The following CSMD1 variants were observed in gnomAD, a reference collection of about 807,000 sequenced individuals.
CSMD1 encodes the protein CUB and Sushi multiple domains 1, also known as CUB and sushi domain-containing protein 1.
In CSMD1, 213 loss-of-function variants were observed where a neutral mutation model predicts 417.5. The ratio of observed to expected loss-of-function variants is 0.51; its 90% CI spans 0.46 to 0.57. CSMD1 has a LOEUF of 0.57. Ranked by LOEUF, CSMD1 falls within the 20% of genes least tolerant of loss-of-function variation. The pLI is 0.00. For synonymous variants in CSMD1, 2,862 were observed against 1,736.8 expected (o/e 1.65, Z -16.11); for missense variants, 6,923 against 4,529.7 (o/e 1.53, Z -15.17).
At chr8:3,060,741 A>C (rs1812540422) in intron 49 of CSMD1, among the ~76,000 whole-genome samples, 1 of 152,174 alleles carries the variant, frequency 6.6e-6, no homozygotes, top group Non-Finnish European at 1.5e-5. Flanking sequence ...TTTCAATATG[A>C]TAGTATTAAG....
intron 3 of CSMD1, among the ~76,000 whole-genome samples, chr8:4,110,209 G>A (rs553685926): frequency 6.6e-6 from 1 of 152,082 alleles, no homozygotes; most frequent in Admixed American, 6.6e-5. Flanking sequence ...AAAATCTAGA[G>A]AATATAGATA....
At chr8:3,107,636 G>C (rs1816236053) in intron 45 of CSMD1, 82 bp downstream of exon 45, 2 of 783,828 alleles carry the variant, frequency 2.6e-6, no homozygotes, top group African/African-American at 1.8e-5. Flanking sequence ...TCATTAACTT[G>C]TCTGAGTAAT....
chr8:3,132,292 T>C (rs1050323367), intron 41 of CSMD1, among the ~76,000 whole-genome samples: 1 of 152,206 alleles, frequency 6.6e-6, no homozygotes, highest in Non-Finnish European at 1.5e-5. Context: ...CTTTTTTTTT[T>C]TTAATTCCTA....
intron 6 of CSMD1, among the ~76,000 whole-genome samples, chr8:3,721,038 G>C (rs1263616374): frequency 6.6e-6 from 1 of 151,872 alleles, no homozygotes; most frequent in Non-Finnish European, 1.5e-5. Flanking sequence ...AGTCACGCTG[G>C]TCTCAAACTC....
At chr8:3,363,205 T>C (rs889792301) in intron 20 of CSMD1, among the ~76,000 whole-genome samples, 1 of 152,172 alleles carries the variant, frequency 6.6e-6, no homozygotes, top group Non-Finnish European at 1.5e-5. Context: ...TCTCAGCCTG[T>C]CAGAGACCTG....
At chr8:4,127,737 T>C (rs1296910891) in intron 3 of CSMD1, among the ~76,000 whole-genome samples, 1 of 152,240 alleles carries the variant, frequency 6.6e-6, no homozygotes, top group Non-Finnish European at 1.5e-5. Context: ...CAGCATTTAC[T>C]ATGTGCCAGC....
intron 1 of CSMD1, among the ~76,000 whole-genome samples, chr8:4,705,266 G>C (rs1443969850): frequency 6.6e-6 from 1 of 151,928 alleles, no homozygotes; most frequent in African/African-American, 2.4e-5. Context: ...TTTTTTTATA[G>C]CAGTGTGAAA....
intron 7 of CSMD1, among the ~76,000 whole-genome samples, chr8:3,698,422 T>C (rs1341023813): frequency 6.6e-6 from 1 of 152,216 alleles, no homozygotes; most frequent in Non-Finnish European, 1.5e-5. Context: ...TTATTAAGCC[T>C]TTATACTACT....
At chr8:3,075,208 A>G (rs1813569670) in intron 49 of CSMD1, among the ~76,000 whole-genome samples, 1 of 151,708 alleles carries the variant, frequency 6.6e-6, no homozygotes, top group Non-Finnish European at 1.5e-5. Context: ...AGAAACTGTG[A>G]GCTAATTAAA....
chr8:4,753,484 C>T (rs1170689094), intron 1 of CSMD1, among the ~76,000 whole-genome samples: 2 of 151,852 alleles, frequency 1.3e-5, no homozygotes, highest in Non-Finnish European at 2.9e-5. Context: ...GAATTTTCCC[C>T]TCCATTCTTC....
At chr8:3,177,295 A>G (rs1039827384) in intron 37 of CSMD1, among the ~76,000 whole-genome samples, 1 of 152,150 alleles carries the variant, frequency 6.6e-6, no homozygotes, top group Non-Finnish European at 1.5e-5. Flanking sequence ...GGCTATAAGA[A>G]AGCCTAGGGG....
At position 4,936,491 on chromosome 8, in the gene CSMD1, C is replaced by A. The variant is rs375145466; in HGVS notation, c.85+57841G>T. On this transcript the variant is annotated intron_variant, in intron 1 of 69. Transcript: ENST00000635120. ...TTTCAAGGCTTTAAAACTTTGCCCACCTTTTCCAATTACACTTCTATTGGA... is the reference window on the plus strand; with the variant it reads ...TTTCAAGGCTTTAAAACTTTGCCCAACTTTTCCAATTACACTTCTATTGGA... Among the ~76,000 whole-genome samples, 4 of 152,276 alleles carry A rather than the reference C, an allele frequency of 2.6e-5. 1 individual carries two copies. Among genetic ancestry groups the A allele is most frequent in the African/African-American group, 9.6e-5 (4 of 41,562 alleles).
chr8:4,617,445 G>C (rs1315830014), intron 2 of CSMD1, among the ~76,000 whole-genome samples: 2 of 152,196 alleles, frequency 1.3e-5, no homozygotes, highest in African/African-American at 4.8e-5. Flanking sequence ...CTGATATTTT[G>C]GTAAGGCAAA....
At chr8:3,268,918 C>T (rs984700446) in intron 26 of CSMD1, among the ~76,000 whole-genome samples, 6 of 152,222 alleles carry the variant, frequency 3.9e-5, no homozygotes, top group East Asian at 3.9e-4. Flanking sequence ...AGTGATATTC[C>T]AGCTAGTATT....
chr8:3,801,339 G>T (rs573845365), intron 5 of CSMD1, among the ~76,000 whole-genome samples: 1 of 151,930 alleles, frequency 6.6e-6, no homozygotes, highest in African/African-American at 2.4e-5. Context: ...CATACAAATG[G>T]CCAATAAGCC....
At chr8:2,963,123 C>A (rs1231144888) in intron 60 of CSMD1, 99 bp downstream of exon 60, 2 of 1,326,174 alleles carry the variant, frequency 1.5e-6, no homozygotes, top group African/African-American at 1.4e-5. Context: ...TTATTACCCA[C>A]CAGGAAGGTC....
intron 1 of CSMD1, among the ~76,000 whole-genome samples, chr8:4,661,104 A>G (rs1419306867): frequency 6.6e-6 from 1 of 152,170 alleles, no homozygotes; most frequent in African/African-American, 2.4e-5. Context: ...CAACCTACCA[A>G]TTGTACTACT....
intron 1 of CSMD1, among the ~76,000 whole-genome samples, chr8:4,704,856 C>A (rs1369784881): frequency 6.6e-6 from 1 of 152,046 alleles, no homozygotes; most frequent in East Asian, 1.9e-4. Flanking sequence ...GGCAAAACAC[C>A]CTAGAGAAGG....
intron 10 of CSMD1, among the ~76,000 whole-genome samples, chr8:3,537,679 A>C (rs1798261346): frequency 1.3e-5 from 2 of 152,252 alleles, no homozygotes; most frequent in African/African-American, 4.8e-5. Flanking sequence ...ATTCATTTAC[A>C]ATACTTTGTA....
Sources: gnomAD v4.1 joint callset for allele counts (sites outside exome capture counted in the v4.1 genomes callset) on GRCh38, gnomAD v4.1.1 for gene constraint, MANE v1.5 for transcripts, NCBI Gene and HGNC (gene_info 2026-07-23, HGNC 2026-07-21) for gene names.